The following SERTM1 variants were observed in gnomAD, a reference collection of about 807,000 sequenced individuals.
The protein encoded by SERTM1 is serine-rich and transmembrane domain-containing protein 1.
Under a neutral mutation model 5.5 loss-of-function variants are expected in SERTM1, and 1 was observed. The observed-to-expected ratio is 0.18, with a 90% CI of 0.06 to 0.86. The LOEUF (loss-of-function observed/expected upper bound fraction) is 0.86, where lower values mean the gene tolerates loss of function less well. Ranked by LOEUF, SERTM1 falls within the 40% of genes least tolerant of loss-of-function variation. The pLI, the probability that SERTM1 is intolerant of heterozygous loss-of-function variation, is 0.69. For synonymous variants in SERTM1, 52 were observed against 55.1 expected (o/e 0.94, Z 0.25); for missense variants, 91 against 122.4 (o/e 0.74, Z 1.21).
At position 36,697,568 on chromosome 13, in the gene SERTM1, A is replaced by C. The variant is rs1057087736; in HGVS notation, c.*2166A>C. 3.6e-5 allele frequency: 6 copies of C among 166,864 alleles called. No homozygotes were observed. The highest frequency in any genetic ancestry group is 8.8e-5 in the Non-Finnish European group (6 of 68,094). The allele number at this position is 166,864 out of a possible 1,614,324, so 10.3% of individuals were successfully genotyped here. On this transcript the variant is annotated 3_prime_UTR_variant, in exon 2 of 2. Transcript: ENST00000315190. The stretch of plus-strand genomic sequence containing the variant: ...TCTTTATATCCTTTCCATGTGAAAG[A>C]GATATAAAGAATTCTGACAGCAAAA...
In SERTM1 at chr13:36,682,072, T is replaced by G. The variant is rs561981161; in HGVS notation, c.-174+7888T>G. Among the ~76,000 whole-genome samples, 18 of 152,382 alleles carry G rather than the reference T, an allele frequency of 1.2e-4. No homozygotes were observed. The South Asian group carries it at 3.7e-3, about 32-fold the overall frequency. ...GAGAGCATTCATCATCATTATTCTT[T>G]ACTGTTGATGCTTACCCCCTTTGAG... On this transcript the variant is annotated intron_variant, in intron 1 of 1. Coordinates refer to ENST00000315190, the MANE Select transcript of SERTM1 (RefSeq NM_203451.3).
intron 1 of SERTM1, among the ~76,000 whole-genome samples, chr13:36,689,318 C>A (rs1381343890): frequency 1.3e-5 from 2 of 151,872 alleles, no homozygotes; most frequent in Non-Finnish European, 2.9e-5. Context: ...CTAGCCTGGC[C>A]AACATGACGA....
At chr13:36,679,874 G>T (rs1327629754) in intron 1 of SERTM1, among the ~76,000 whole-genome samples, 1 of 152,140 alleles carries the variant, frequency 6.6e-6, no homozygotes, top group Non-Finnish European at 1.5e-5. Flanking sequence ...GTTCACATGG[G>T]TGGCTAAGAT....
chr13:36,677,204 T>C (rs1167884116), intron 1 of SERTM1, among the ~76,000 whole-genome samples: 1 of 152,132 alleles, frequency 6.6e-6, no homozygotes, highest in African/African-American at 2.4e-5. Context: ...TAGCCTTTAC[T>C]AACTTTGGAA....
chr13:36,675,352 C>G (rs182008558), intron 1 of SERTM1, among the ~76,000 whole-genome samples: 166 of 152,242 alleles, frequency 1.1e-3, no homozygotes, highest in African/African-American at 3.9e-3. Context: ...GGCGGACCCG[C>G]GGGACTACTC....
chr13:36,694,851 T>C (rs2056802279), intron 1 of SERTM1, 55 bp from the exon 2 acceptor site: 1 of 525,296 alleles, frequency 1.9e-6, no homozygotes, highest in Non-Finnish European at 3.3e-6. Flanking sequence ...AACCTAAAAA[T>C]GGAATTTAAA....
intron 1 of SERTM1, among the ~76,000 whole-genome samples, chr13:36,680,408 T>C (rs557114003): frequency 6.6e-6 from 1 of 152,164 alleles, no homozygotes; most frequent in South Asian, 2.1e-4. Flanking sequence ...GAAAAGCCTC[T>C]GGATTAAAAA....
At chr13:36,682,533 C>G (rs1160180131) in intron 1 of SERTM1, among the ~76,000 whole-genome samples, 2 of 152,120 alleles carry the variant, frequency 1.3e-5, no homozygotes, top group Non-Finnish European at 2.9e-5. Flanking sequence ...GAGTAGAGAC[C>G]TGCAGTGAAT....
At chr13:36,688,917 G>T (rs915780263) in intron 1 of SERTM1, among the ~76,000 whole-genome samples, 3 of 151,978 alleles carry the variant, frequency 2.0e-5, no homozygotes, top group Admixed American at 6.6e-5. Flanking sequence ...TCTTCAACCC[G>T]CAGGTTACTC....
intron 1 of SERTM1, among the ~76,000 whole-genome samples, chr13:36,684,573 A>G (rs2138089499): frequency 6.6e-6 from 1 of 152,174 alleles, no homozygotes; most frequent in East Asian, 1.9e-4. Context: ...CTGAAGACAG[A>G]CTGCTACTCC....
chr13:36,676,351 T>C (rs1032316200), intron 1 of SERTM1, among the ~76,000 whole-genome samples: 3 of 152,012 alleles, frequency 2.0e-5, no homozygotes, highest in Admixed American at 2.0e-4. Context: ...GCTCATTTGA[T>C]GATCGTTCTT....
At chr13:36,692,817 G>C (rs1039655433) in intron 1 of SERTM1, among the ~76,000 whole-genome samples, 1 of 152,140 alleles carries the variant, frequency 6.6e-6, no homozygotes, top group Non-Finnish European at 1.5e-5. Context: ...AGAAAACCAA[G>C]AACACAGTTC....
Position 36,695,861 on chromosome 13 carries a change from T to A in SERTM1, c.*459T>A, listed in dbSNP as rs992131347. 5.9e-6 allele frequency: 1 copy of A among 169,572 alleles called. No individual in the cohort carries two copies. The highest frequency in any genetic ancestry group is 1.4e-5 in the Non-Finnish European group (1 of 70,062). The allele number at this position is 169,572 out of a possible 1,614,324, so 10.5% of individuals were successfully genotyped here. A position where few individuals can be genotyped will look rare whatever the true frequency, so the allele number is the denominator to read the frequency against. Reference sequence around the variant, plus strand: ...AAAAGATAAAGTGGAGACACCAAACTTAAAAAGGAAGAGAGTCAATTTAGA... The same window carrying A: ...AAAAGATAAAGTGGAGACACCAAACATAAAAAGGAAGAGAGTCAATTTAGA... On this transcript the variant is annotated 3_prime_UTR_variant, in exon 2 of 2. Transcript: ENST00000315190.
intron 1 of SERTM1, among the ~76,000 whole-genome samples, chr13:36,676,404 T>TG (rs1026942666): frequency 2.6e-5 from 4 of 152,070 alleles, no homozygotes; most frequent in African/African-American, 9.7e-5. Flanking sequence ...ACAACATTTT[T>TG]GGGGGGTCCT....
intron 1 of SERTM1, among the ~76,000 whole-genome samples, chr13:36,691,692 G>A (rs1010651199): frequency 2.0e-5 from 3 of 152,094 alleles, no homozygotes; most frequent in Admixed American, 6.6e-5. Context: ...GTCTGCTGGC[G>A]CTGCCCCGAG....
At chr13:36,675,386 C>T (rs971071666) in intron 1 of SERTM1, among the ~76,000 whole-genome samples, 2 of 152,164 alleles carry the variant, frequency 1.3e-5, no homozygotes, top group African/African-American at 4.8e-5. Context: ...TCCTAGGTGC[C>T]TTCTCCTAGG....
At chr13:36,686,141 C>G (rs1222947561) in intron 1 of SERTM1, among the ~76,000 whole-genome samples, 2 of 152,138 alleles carry the variant, frequency 1.3e-5, no homozygotes, top group Non-Finnish European at 2.9e-5. Flanking sequence ...AGTGAGTCAC[C>G]ATTCTTGGTC....
At chr13:36,680,478 T>C (rs1296192122) in intron 1 of SERTM1, among the ~76,000 whole-genome samples, 1 of 152,192 alleles carries the variant, frequency 6.6e-6, no homozygotes, top group African/African-American at 2.4e-5. Flanking sequence ...GCTCTGAGTA[T>C]AGAGTGGATT....
intron 1 of SERTM1, among the ~76,000 whole-genome samples, chr13:36,679,985 A>G (rs1215843035): frequency 2.6e-5 from 4 of 152,230 alleles, no homozygotes; most frequent in Non-Finnish European, 4.4e-5. Context: ...GCCTATGTGT[A>G]TAAGGTGTAT....
Sources: allele counts gnomAD v4.1 joint callset (sites outside exome capture counted in the v4.1 genomes callset), GRCh38; gene constraint gnomAD v4.1.1; transcripts MANE v1.5; gene names NCBI Gene and HGNC (gene_info 2026-07-23, HGNC 2026-07-21).